NEGR1: variants seen among roughly 807,000 people sequenced by gnomAD.
NEGR1 encodes neuronal growth regulator 1, also known as IgLON family member 4.
In NEGR1, 10 loss-of-function variants were observed where a neutral mutation model predicts 40.9. The ratio of observed to expected loss-of-function variants is 0.24; its 90% CI spans 0.15 to 0.42. NEGR1 has a LOEUF of 0.42. Ranked by LOEUF, NEGR1 falls within the 10% of genes least tolerant of loss-of-function variation. The pLI is 1.00. For missense variants in NEGR1, 352 were observed against 438.9 expected, an observed-to-expected ratio of 0.80 and a Z score of 1.77; for synonymous variants, 185 against 166.8, an observed-to-expected ratio of 1.11 and a Z score of -0.84.
At chr1:71,854,032 G>A (rs1405655814) in intron 2 of NEGR1, among the ~76,000 whole-genome samples, 1 of 152,060 alleles carries the variant, frequency 6.6e-6, no homozygotes, top group African/African-American at 2.4e-5. Flanking sequence ...CTTGTTTGTT[G>A]AGGATTTGAT....
At chr1:71,819,925 G>A (rs145853004) in intron 2 of NEGR1, among the ~76,000 whole-genome samples, 5 of 152,044 alleles carry the variant, frequency 3.3e-5, no homozygotes, top group East Asian at 1.9e-4. Flanking sequence ...ACAATGACAC[G>A]GCATCAGTAA....
chr1:71,765,196 T>A (rs1278214265), intron 3 of NEGR1, among the ~76,000 whole-genome samples: 2 of 152,122 alleles, frequency 1.3e-5, no homozygotes, highest in Non-Finnish European at 2.9e-5. Flanking sequence ...AATCCTTCCC[T>A]ATGACAATGC....
intron 1 of NEGR1, among the ~76,000 whole-genome samples, chr1:71,949,714 C>T (rs1017040226): frequency 1.3e-5 from 2 of 152,022 alleles, no homozygotes; most frequent in African/African-American, 2.4e-5. Context: ...TCTGGATTTC[C>T]TCTATGGTTC....
intron 4 of NEGR1, among the ~76,000 whole-genome samples, chr1:71,654,938 G>GTA (rs1253659089): frequency 6.6e-6 from 1 of 152,088 alleles, no homozygotes; most frequent in Admixed American, 6.5e-5. Context: ...ATTTTGTATT[G>GTA]TGAGAGTCAC....
At chr1:71,478,048 A>G (rs1316809130) in intron 6 of NEGR1, among the ~76,000 whole-genome samples, 8 of 151,958 alleles carry the variant, frequency 5.3e-5, no homozygotes, top group Non-Finnish European at 1.2e-4. Flanking sequence ...TTGTTTTTTC[A>G]TAGATGAATG....
chr1:71,447,278 C>T (rs567179612), intron 6 of NEGR1, among the ~76,000 whole-genome samples: 9 of 152,246 alleles, frequency 5.9e-5, no homozygotes, highest in South Asian at 2.1e-4. Context: ...TCCAAGAAAC[C>T]GGTTCCTGGT....
intron 1 of NEGR1, among the ~76,000 whole-genome samples, chr1:72,118,100 T>C (rs1463190579): frequency 1.3e-5 from 2 of 151,880 alleles, no homozygotes; most frequent in East Asian, 3.9e-4. Context: ...ATTATTCTTA[T>C]GTGTGCCCCA....
intron 1 of NEGR1, among the ~76,000 whole-genome samples, chr1:72,136,671 T>C (rs1206538099): frequency 8.9e-6 from 1 of 112,094 alleles, no homozygotes; most frequent in Non-Finnish European, 2.0e-5. Flanking sequence ...AAAAAAAAAA[T>C]CCAAGCACAA....
chr1:71,648,311 C>G (rs925166470), intron 4 of NEGR1, among the ~76,000 whole-genome samples: 8 of 151,878 alleles, frequency 5.3e-5, no homozygotes, highest in Admixed American at 3.9e-4. Flanking sequence ...TTTTTAAAGA[C>G]TAGCATGGCC....
intron 2 of NEGR1, among the ~76,000 whole-genome samples, chr1:71,825,662 T>C (rs1658593401): frequency 6.6e-6 from 1 of 151,912 alleles, no homozygotes. Flanking sequence ...CTCAGCTTCT[T>C]AATCTATAAA....
chr1:72,205,099 T>C (rs1262810183), intron 1 of NEGR1, among the ~76,000 whole-genome samples: 1 of 152,022 alleles, frequency 6.6e-6, no homozygotes. Context: ...AGGATTACAA[T>C]TGGAAACAAA....
At chr1:71,454,169 G>T (rs1239145261) in intron 6 of NEGR1, among the ~76,000 whole-genome samples, 1 of 152,020 alleles carries the variant, frequency 6.6e-6, no homozygotes, top group Admixed American at 6.6e-5. Flanking sequence ...CTGTTCATTG[G>T]CATCAAGTGA....
At chr1:71,426,051 C>T (rs1646426332) in intron 6 of NEGR1, among the ~76,000 whole-genome samples, 1 of 152,186 alleles carries the variant, frequency 6.6e-6, no homozygotes, top group Admixed American at 6.5e-5. Flanking sequence ...TACCTACATA[C>T]ATATATGCAT....
At chr1:71,691,062 A>T (rs554236438) in intron 4 of NEGR1, among the ~76,000 whole-genome samples, 1 of 151,962 alleles carries the variant, frequency 6.6e-6, no homozygotes, top group East Asian at 1.9e-4. Flanking sequence ...AAATCCTCTT[A>T]ACAAAGATAA....
chr1:71,741,208 T>A (rs1655201985), intron 3 of NEGR1, among the ~76,000 whole-genome samples: 1 of 152,188 alleles, frequency 6.6e-6, no homozygotes, highest in South Asian at 2.1e-4. Context: ...AGCTGGAGGT[T>A]TGGCAATTGT....
At chr1:71,930,348 A>C (rs180713517) in intron 2 of NEGR1, among the ~76,000 whole-genome samples, 1 of 152,210 alleles carries the variant, frequency 6.6e-6, no homozygotes. Context: ...GTTTTAACCT[A>C]TGAACTATGA....
intron 6 of NEGR1, among the ~76,000 whole-genome samples, chr1:71,586,153 T>C (rs894962997): frequency 3.3e-5 from 5 of 152,146 alleles, no homozygotes; most frequent in African/African-American, 7.2e-5. Context: ...GTTCCACCTG[T>C]GTAGTGGGAA....
At chr1:71,436,663 T>G (rs1646511706) in intron 6 of NEGR1, among the ~76,000 whole-genome samples, 1 of 152,160 alleles carries the variant, frequency 6.6e-6, no homozygotes, top group Non-Finnish European at 1.5e-5. Flanking sequence ...TTTTACCTCC[T>G]CCACCTGTTT....
chr1:72,252,309 G>A (rs1311413858), intron 1 of NEGR1, among the ~76,000 whole-genome samples: 1 of 152,098 alleles, frequency 6.6e-6, no homozygotes, highest in African/African-American at 2.4e-5. Flanking sequence ...CTCCCAAAGT[G>A]CTAGGATTAC....
Sources: gnomAD v4.1 joint callset for allele counts (sites outside exome capture counted in the v4.1 genomes callset) on GRCh38, gnomAD v4.1.1 for gene constraint, MANE v1.5 for transcripts, NCBI Gene and HGNC (gene_info 2026-07-23, HGNC 2026-07-21) for gene names.